MCM10: variants seen among roughly 807,000 people sequenced by gnomAD.
MCM10 encodes the protein protein MCM10 homolog.
MCM10 carries 91 observed loss-of-function variants against 109.9 expected under a neutral mutation model. The observed-to-expected ratio is 0.83, with a 90% CI of 0.70 to 0.99. The LOEUF is 0.99. Among genes scored for constraint, MCM10 ranks in the 50% least tolerant of loss-of-function variants. The probability of loss-of-function intolerance (pLI) is 0.00; values close to 1 mark genes in which losing one functional copy is unlikely to be tolerated. For missense variants in MCM10, 1,077 were observed against 1,061.2 expected (o/e 1.01, Z -0.21); for synonymous variants, 380 against 387.2 (o/e 0.98, Z 0.22).
At chr10:13,188,566 A>C (rs1467168339) in intron 9 of MCM10, among the ~76,000 whole-genome samples, 1 of 141,858 alleles carries the variant, frequency 7.0e-6, no homozygotes, top group African/African-American at 2.5e-5. Flanking sequence ...TCCTATATTA[A>C]ATAACATAGG....
intron 18 of MCM10, among the ~76,000 whole-genome samples, chr10:13,207,387 G>A (rs958848421): frequency 5.3e-5 from 8 of 152,032 alleles, no homozygotes; most frequent in Admixed American, 3.3e-4. Flanking sequence ...TCGACATATA[G>A]GCTACCAGAG....
At chr10:13,174,683 A>T (rs995943467) in intron 5 of MCM10, among the ~76,000 whole-genome samples, 2 of 152,228 alleles carry the variant, frequency 1.3e-5, no homozygotes, top group African/African-American at 4.8e-5. Context: ...TGATGGTCAC[A>T]TGTGTCTGGT....
intron 18 of MCM10, 120 bp from the exon 19 acceptor site, chr10:13,208,971 C>T: frequency 1.3e-6 from 1 of 742,810 alleles, no homozygotes; most frequent in Non-Finnish European, 2.4e-6. Flanking sequence ...ATACGAATGT[C>T]ACCTTGAACA....
intron 1 of MCM10, among the ~76,000 whole-genome samples, chr10:13,163,256 T>C (rs1239112127): frequency 6.6e-6 from 1 of 151,914 alleles, no homozygotes; most frequent in East Asian, 1.9e-4. Context: ...GGAGAATCAC[T>C]GGAGCCTGGG....
At chr10:13,186,082 C>A in intron 8 of MCM10, 82 bp from the exon 9 acceptor site, 1 of 788,586 alleles carries the variant, frequency 1.3e-6, no homozygotes, top group East Asian at 2.6e-5. Flanking sequence ...TAAATCAGCA[C>A]CAACCATTCT....
rs1284255337 is a variant in MCM10 at position 13,164,351 on chromosome 10, A to C, written c.7+142A>C. The C allele has an allele frequency of 1.4e-5, 9 of 644,758 alleles. No homozygotes were observed. The East Asian group carries it at 1.6e-4, about 11-fold the overall frequency. The allele number at this position is 644,758 out of a possible 1,614,324, so 39.9% of individuals were successfully genotyped here. On this transcript the variant is annotated intron_variant, in intron 2 of 19. Transcript: ENST00000378714. ...GTCTTAGTGGTTCTGAAGCAATCTCACATCTCACAGAGGTCACTGAATGTT... is the reference window on the plus strand; with the variant it reads ...GTCTTAGTGGTTCTGAAGCAATCTCCCATCTCACAGAGGTCACTGAATGTT...
At position 13,197,689 on chromosome 10, in the gene MCM10, A is replaced by C. The variant is rs1834440107; in HGVS notation, c.2041A>C (p.Lys681Gln). ...TACAAAAACAAACCCAAACAGCATT[A>C]AGAAGAAACAAAAGGACCCTCAGGA... is the stretch of plus-strand genomic sequence containing the variant. ...VLTKTNPNSI[K>Q]KKQKDPQDIL... The change falls in exon 15 of 20, where the codon AAG (lysine) becomes CAG (glutamine). Residue 681 changes from lysine to glutamine, a missense_variant. Physicochemically the swap from Lys to Gln is moderately conservative, Grantham distance 53. Transcript: ENST00000378714. 5 of 1,614,090 alleles carry C rather than the reference A, an allele frequency of 3.1e-6. No individual in the cohort carries two copies. The Admixed American group carries it at 8.3e-5, about 27-fold the overall frequency.
intron 9 of MCM10, among the ~76,000 whole-genome samples, chr10:13,188,136 C>T (rs1834298830): frequency 6.6e-6 from 1 of 151,960 alleles, no homozygotes; most frequent in South Asian, 2.1e-4. Flanking sequence ...CAGAGCGAGA[C>T]TCTGTCTCCA....
intron 18 of MCM10, among the ~76,000 whole-genome samples, chr10:13,208,046 T>C (rs544591453): frequency 2.0e-5 from 3 of 152,290 alleles, no homozygotes; most frequent in South Asian, 4.1e-4. Flanking sequence ...ACCATAGTGT[T>C]CACATCCCTT....
rs376114316 is a variant in MCM10 at position 13,175,619 on chromosome 10, A to C, written c.702A>C (p.Pro234=). The stretch of plus-strand genomic sequence containing the variant: ...CTAGAGGTCAAATTGTGGGGACCCC[A>C]GGAAGTTCTGGGGAAACGACTCAAC... ...GITRGQIVGT[P]GSSGETTQPI... The change falls in exon 6 of 20, where the codon CCA becomes CCC. Residue 234 remains proline, a synonymous_variant. Coordinates refer to ENST00000378714, the MANE Select transcript of MCM10 (RefSeq NM_018518.5). 1.9e-6 allele frequency: 3 copies of C among 1,612,958 alleles called. No individual in the cohort carries two copies. The highest frequency in any genetic ancestry group is 2.5e-6 in the Non-Finnish European group (3 of 1,179,012).
chr10:13,189,658 T>C (rs914558865), intron 10 of MCM10, among the ~76,000 whole-genome samples: 2 of 152,216 alleles, frequency 1.3e-5, no homozygotes, highest in African/African-American at 4.8e-5. Flanking sequence ...TGCACCTTCA[T>C]CAGGGCCATT....
At position 13,209,041 on chromosome 10, in the gene MCM10, T is replaced by C. The variant is rs1454893762; in HGVS notation, c.2499-50T>C. ...TGCAGTGAGCACCGTCGTCTTTACA[T>C]GAGTGGGCCTACACCACCCTGCTGA... On this transcript the variant is annotated intron_variant, in intron 18 of 19. Coordinates refer to ENST00000378714, the MANE Select transcript of MCM10 (RefSeq NM_018518.5). 11 of 1,379,148 alleles carry C rather than the reference T, an allele frequency of 8.0e-6. No homozygotes were observed. In the East Asian group the frequency reaches 2.1e-4, roughly 26 times the overall value. 85.4% of individuals were successfully genotyped at this position (1,379,148 alleles called of 1,614,324 possible). A position where few individuals can be genotyped will look rare whatever the true frequency, so the allele number is the denominator to read the frequency against.
intron 2 of MCM10, among the ~76,000 whole-genome samples, chr10:13,164,753 C>T (rs183208586): frequency 8.5e-5 from 13 of 152,236 alleles, no homozygotes; most frequent in Admixed American, 3.9e-4. Context: ...CACTAATTAG[C>T]GATCACCTAA....
intron 2 of MCM10, among the ~76,000 whole-genome samples, chr10:13,169,022 G>A (rs1204272044): frequency 6.6e-6 from 1 of 152,216 alleles, no homozygotes; most frequent in African/African-American, 2.4e-5. Context: ...AAGGCTCCCT[G>A]GGGGCCAGGC....
intron 18 of MCM10, among the ~76,000 whole-genome samples, chr10:13,207,706 G>A (rs150262860): frequency 6.6e-5 from 10 of 152,242 alleles, no homozygotes; most frequent in Middle Eastern, 3.4e-3. Context: ...CTTGCCTGCC[G>A]CCATGTAAGA....
At chr10:13,178,242 C>T (rs771077593) in intron 6 of MCM10, among the ~76,000 whole-genome samples, 5 of 152,162 alleles carry the variant, frequency 3.3e-5, no homozygotes, top group East Asian at 1.9e-4. Flanking sequence ...ACTACAAGCA[C>T]GCACCACAGT....
intron 5 of MCM10, among the ~76,000 whole-genome samples, chr10:13,174,164 A>G (rs1282166724): frequency 2.5e-5 from 3 of 122,390 alleles, no homozygotes; most frequent in Non-Finnish European, 4.9e-5. Context: ...TTTTTTTGAG[A>G]CAGAGTCTCA....
Position 13,209,579 on chromosome 10 carries a change from C to G in MCM10, c.*269C>G. The G allele has an allele frequency of 2.0e-6, 1 of 490,144 alleles. No homozygotes were observed. Among genetic ancestry groups the G allele is most frequent in the Non-Finnish European group, 3.6e-6 (1 of 274,422 alleles). The allele number at this position is 490,144 out of a possible 1,614,324, so 30.4% of individuals were successfully genotyped here. A position where few individuals can be genotyped will look rare whatever the true frequency, so the allele number is the denominator to read the frequency against. ...ATTACTTCATTCACTGAAGTTTTTG[C>G]CCAAAAATTGGAAGGTAAACAGAGA... On this transcript the variant is annotated 3_prime_UTR_variant, in exon 20 of 20. Transcript: ENST00000378714.
intron 1 of MCM10, 51 bp from the exon 2 acceptor site, chr10:13,164,077 G>A: frequency 1.3e-6 from 1 of 756,820 alleles, no homozygotes; most frequent in South Asian, 2.2e-5. Context: ...TGTGTGTTGT[G>A]AGAGAAAGAG....
Sources: allele counts gnomAD v4.1 joint callset (sites outside exome capture counted in the v4.1 genomes callset), GRCh38; gene constraint gnomAD v4.1.1; transcripts MANE v1.5; gene names NCBI Gene and HGNC (gene_info 2026-07-23, HGNC 2026-07-21).